The following SNU13 variants were observed in gnomAD, a reference collection of about 807,000 sequenced individuals.
SNU13 encodes the protein small nuclear ribonucleoprotein 13, also known as NHP2-like protein 1.
Under a neutral mutation model 12.4 loss-of-function variants are expected in SNU13, and 2 were observed. The ratio of observed to expected loss-of-function variants is 0.16; its 90% CI spans 0.07 to 0.51. SNU13 has a LOEUF of 0.51. Ranked by LOEUF, SNU13 falls within the 20% of genes least tolerant of loss-of-function variation. The probability of loss-of-function intolerance (pLI) is 0.96; values close to 1 mark genes in which losing one functional copy is unlikely to be tolerated. For synonymous variants in SNU13, 68 were observed against 66.5 expected (o/e 1.02, Z -0.11); for missense variants, 66 against 157.8 (o/e 0.42, Z 3.12).
intron 1 of SNU13, among the ~76,000 whole-genome samples, chr22:41,684,413 A>G (rs1353565040): frequency 6.6e-6 from 1 of 151,870 alleles, no homozygotes; most frequent in East Asian, 1.9e-4. Flanking sequence ...TCTCCCTAGC[A>G]TTAGCATCTT....
At position 41,674,936 on chromosome 22, in the gene SNU13, G is replaced by T; in HGVS notation, c.384C>A (p.Val128=). The change falls in exon 3 of 3, where the codon GTC becomes GTA. Residue 128 remains valine, a synonymous_variant. Transcript: ENST00000401959. ...GCACGTGGCAGAGGCCACAGGTTTA[G>T]ACTAAGAGCCTTTCAATGGACTGCT... ...SIQQSIERLL[V] 6.2e-7 allele frequency: 1 copy of T among 1,613,106 alleles called. No homozygotes were observed. The highest frequency in any genetic ancestry group is 1.1e-5 in the South Asian group (1 of 91,022).
chr22:41,681,097 C>G (rs753487048), intron 1 of SNU13: 2 of 152,248 alleles, frequency 1.3e-5, no homozygotes, highest in Non-Finnish European at 2.9e-5. Flanking sequence ...TTCCCCACTC[C>G]ATATGCGTAT....
At chr22:41,686,999 G>A (rs1419096049) in intron 1 of SNU13, among the ~76,000 whole-genome samples, 1 of 149,626 alleles carries the variant, frequency 6.7e-6, no homozygotes. Flanking sequence ...ACTGTCACAC[G>A]GGCTGGAGTG....
At chr22:41,682,550 TC>T in intron 1 of SNU13, 1 of 1,466,694 alleles carries the variant, frequency 6.8e-7, no homozygotes, top group Non-Finnish European at 9.0e-7. Context: ...TCTACGTAAC[TC>T]CTTATCTTAG....
chr22:41,680,370 G>C lies in SNU13; in HGVS notation c.4-6C>G, dbSNP rs746573096. On this transcript the variant is annotated splice_region_variant and splice_polypyrimidine_tract_variant and intron_variant, in intron 1 of 2. Transcript: ENST00000401959. ...GGATTCACATCAGCCTCAGTCTATGGGGGGGACATAAAAATATCAGACAAA... is the reference window on the plus strand; with the variant it reads ...GGATTCACATCAGCCTCAGTCTATGCGGGGGACATAAAAATATCAGACAAA... The C allele has an allele frequency of 1.0e-5, 16 of 1,604,994 alleles. No homozygotes were observed. In the Middle Eastern group the frequency reaches 5.0e-4, roughly 50 times the overall value.
intron 2 of SNU13, among the ~76,000 whole-genome samples, chr22:41,677,151 C>T (rs2068221631): frequency 6.6e-6 from 1 of 152,180 alleles, no homozygotes; most frequent in Admixed American, 6.5e-5. Flanking sequence ...CGAACACCCA[C>T]ACCTCAGCTC....
chr22:41,689,060 C>A (rs2068338647), upstream of SNU13: 1 of 1,226,614 alleles, frequency 8.2e-7, no homozygotes, highest in Admixed American at 3.9e-5. Flanking sequence ...ATGAATTAAA[C>A]ATTCAAAAAG....
intron 1 of SNU13, chr22:41,687,875 G>A (rs982884019): frequency 2.0e-5 from 3 of 152,194 alleles, no homozygotes; most frequent in African/African-American, 7.2e-5. Context: ...AGGGAGCTGC[G>A]TTAAAGCGAG....
chr22:41,687,046 C>T (rs997001138), intron 1 of SNU13, among the ~76,000 whole-genome samples: 1 of 151,766 alleles, frequency 6.6e-6, no homozygotes, highest in Admixed American at 6.6e-5. Context: ...ACCCCCGCCT[C>T]CCAGGTTCAA....
intron 1 of SNU13, among the ~76,000 whole-genome samples, chr22:41,684,572 T>A (rs1182937799): frequency 6.6e-6 from 1 of 152,246 alleles, no homozygotes; most frequent in East Asian, 1.9e-4. Context: ...TCTGATAGTT[T>A]ATATTTTTCA....
chr22:41,674,901 C>T lies in SNU13; in HGVS notation c.*32G>A. ...ATGATACACAACCTCAGGGGGGAAG[C>T]TGGCAGGGAGCACGTGGCAGAGGCC... On this transcript the variant is annotated 3_prime_UTR_variant, in exon 3 of 3. Transcript: ENST00000401959. The T allele has an allele frequency of 6.2e-7, 1 of 1,602,532 alleles. No homozygotes were observed. The highest frequency in any genetic ancestry group is 1.3e-5 in the African/African-American group (1 of 74,730).
intron 1 of SNU13, among the ~76,000 whole-genome samples, chr22:41,686,236 C>T (rs1249176971): frequency 6.6e-6 from 1 of 151,284 alleles, no homozygotes; most frequent in Admixed American, 6.6e-5. Flanking sequence ...TCTTTCTTTC[C>T]TTTCTCTGGA....
At chr22:41,686,998 C>A (rs868865247) in intron 1 of SNU13, among the ~76,000 whole-genome samples, 1 of 151,852 alleles carries the variant, frequency 6.6e-6, no homozygotes, top group African/African-American at 2.4e-5. Flanking sequence ...AACTGTCACA[C>A]GGGCTGGAGT....
intron 2 of SNU13, 108 bp downstream of exon 2, chr22:41,680,136 G>T (rs2147135735): frequency 7.5e-7 from 1 of 1,338,802 alleles, no homozygotes; most frequent in Non-Finnish European, 9.9e-7. Flanking sequence ...CCCACTGGTT[G>T]TAGTCGAGAG....
intron 1 of SNU13, chr22:41,682,631 G>C: frequency 7.6e-7 from 1 of 1,316,398 alleles, no homozygotes; most frequent in Non-Finnish European, 1.0e-6. Flanking sequence ...TCTAAAGGAA[G>C]GGGGTTGGGG....
chr22:41,688,868 GA>G (rs747796031), upstream of SNU13: 1 of 1,523,758 alleles, frequency 6.6e-7, no homozygotes. Flanking sequence ...GCGTGCACCG[GA>G]AAAACTCACA....
chr22:41,680,136 G>A, intron 2 of SNU13, 108 bp downstream of exon 2: 1 of 1,338,802 alleles, frequency 7.5e-7, no homozygotes, highest in Non-Finnish European at 9.9e-7. Context: ...CCCACTGGTT[G>A]TAGTCGAGAG....
At chr22:41,681,094 C>T (rs1001521493) in intron 1 of SNU13, 8 of 152,244 alleles carry the variant, frequency 5.3e-5, no homozygotes, top group Admixed American at 4.6e-4. Flanking sequence ...CCATTCCCCA[C>T]TCCATATGCG....
At chr22:41,676,594 A>G (rs1417895765) in intron 2 of SNU13, among the ~76,000 whole-genome samples, 1 of 151,692 alleles carries the variant, frequency 6.6e-6, no homozygotes, top group East Asian at 1.9e-4. Flanking sequence ...TTCAGGAGTT[A>G]TGCTGGGTTT....
Sources: gnomAD v4.1 joint callset for allele counts (sites outside exome capture counted in the v4.1 genomes callset) on GRCh38, gnomAD v4.1.1 for gene constraint, MANE v1.5 for transcripts, NCBI Gene and HGNC (gene_info 2026-07-23, HGNC 2026-07-21) for gene names.